The following DCAF8L2 variants were observed in gnomAD, a reference collection of about 807,000 sequenced individuals.
DCAF8L2 encodes DDB1 and CUL4 associated factor 8 like 2, also known as DDB1- and CUL4-associated factor 8-like protein 2.
For missense variants in DCAF8L2, 430 were observed against 490.7 expected, an observed-to-expected ratio of 0.88 and a Z score of 1.17; for synonymous variants, 200 against 190.9, an observed-to-expected ratio of 1.05 and a Z score of -0.39.
intron 3 of DCAF8L2, among the ~76,000 whole-genome samples, chrX:27,688,009 TG>T: frequency 8.9e-6 from 1 of 111,861 alleles, no homozygotes; most frequent in Middle Eastern, 4.7e-3. Context: ...TTGTATTAAA[TG>T]GCTAAATAAA....
the DCAF8L2 span, among the ~76,000 whole-genome samples, chrX:27,543,045 C>T: frequency 8.9e-6 from 1 of 112,216 alleles, no homozygotes; most frequent in Non-Finnish European, 1.9e-5. Context: ...AGGACTTAGT[C>T]ATAAATTCTT....
chrX:27,522,237 G>A, the DCAF8L2 span, among the ~76,000 whole-genome samples: 1 of 111,689 alleles, frequency 9.0e-6, no homozygotes, highest in Non-Finnish European at 1.9e-5. Context: ...ATGTTGGTCA[G>A]GCTGCTCTCA....
At chrX:27,614,643 A>G (rs186446930) in intron 1 of DCAF8L2, among the ~76,000 whole-genome samples, 8,498 of 110,343 alleles carry the variant, frequency 0.077, 660 homozygotes, top group African/African-American at 0.24. Context: ...AGAGATTCTG[A>G]TATGTTGTGT....
the DCAF8L2 span, chrX:27,519,016 C>G: frequency 1.1e-6 from 1 of 877,563 alleles, no homozygotes; most frequent in Non-Finnish European, 1.7e-6. Context: ...TATGGGAAAC[C>G]ATGAACTATA....
chrX:27,614,209 A>G (rs1927341099), intron 1 of DCAF8L2, among the ~76,000 whole-genome samples: 2 of 108,983 alleles, frequency 1.8e-5, no homozygotes, highest in Admixed American at 2.0e-4. Context: ...GAATTTATCC[A>G]TTTCTTCTAG....
the DCAF8L2 span, chrX:27,519,773 G>A: frequency 1.9e-6 from 1 of 530,332 alleles, no homozygotes; most frequent in East Asian, 3.4e-5. Flanking sequence ...ACCAATTTGA[G>A]GCTTTTAATC....
At chrX:27,595,298 T>C (rs748339443) in intron 1 of DCAF8L2, among the ~76,000 whole-genome samples, 1 of 111,903 alleles carries the variant, frequency 8.9e-6, no homozygotes, top group South Asian at 3.8e-4. Flanking sequence ...GGAAGTCTAA[T>C]AGACACTTTA....
chrX:27,508,404 A>G, the DCAF8L2 span, among the ~76,000 whole-genome samples: 2 of 110,962 alleles, frequency 1.8e-5, no homozygotes, highest in Non-Finnish European at 3.8e-5. Context: ...ACTCTGATCA[A>G]CCAGAGAGAG....
the DCAF8L2 span, among the ~76,000 whole-genome samples, chrX:27,534,254 C>A: frequency 1.0e-4 from 11 of 110,168 alleles, no homozygotes; most frequent in African/African-American, 3.6e-4. Context: ...AATATCTCGA[C>A]TTTGATAATT....
chrX:27,528,474 G>GTA, the DCAF8L2 span, among the ~76,000 whole-genome samples: 11 of 34,965 alleles, frequency 3.1e-4, no homozygotes, highest in Middle Eastern at 0.018. Context: ...TTATGTGTAT[G>GTA]TGTATATATA....
At chrX:27,480,658 A>T in the DCAF8L2 span, among the ~76,000 whole-genome samples, 2 of 111,449 alleles carry the variant, frequency 1.8e-5, no homozygotes, top group African/African-American at 6.5e-5. Context: ...ACTTCCCTAG[A>T]CTTTATTCTA....
At chrX:27,581,675 C>T in the DCAF8L2 span, among the ~76,000 whole-genome samples, 1 of 109,172 alleles carries the variant, frequency 9.2e-6, no homozygotes, top group Non-Finnish European at 1.9e-5. Context: ...CCCCCACCTC[C>T]CGGGTTCAAG....
intron 3 of DCAF8L2, 77 bp from the exon 4 acceptor site, chrX:27,716,011 A>G (rs1569190817): frequency 8.9e-6 from 1 of 112,463 alleles, no homozygotes; most frequent in Non-Finnish European, 1.9e-5. Flanking sequence ...CTAAAATCCA[A>G]TGACTTGGTT....
intron 1 of DCAF8L2, among the ~76,000 whole-genome samples, chrX:27,602,989 A>G (rs1257732199): frequency 8.9e-6 from 1 of 112,206 alleles, no homozygotes; most frequent in Non-Finnish European, 1.9e-5. Context: ...TAAAACAGCT[A>G]TATTTTTGAA....
chrX:27,469,890 T>C, the DCAF8L2 span, among the ~76,000 whole-genome samples: 1 of 110,439 alleles, frequency 9.1e-6, no homozygotes, highest in Non-Finnish European at 1.9e-5. Context: ...TGCCTCAGTC[T>C]CCCAAGTAGT....
the DCAF8L2 span, among the ~76,000 whole-genome samples, chrX:27,497,545 C>CTTTCTTTCT: frequency 7.0e-4 from 54 of 76,990 alleles, 1 homozygote; most frequent in African/African-American, 3.6e-3. Flanking sequence ...TCCTTCCTTC[C>CTTTCTTTCT]TTCCTTCTTT....
At chrX:27,668,936 C>CAA (rs1188410615) in intron 2 of DCAF8L2, among the ~76,000 whole-genome samples, 2 of 79,962 alleles carry the variant, frequency 2.5e-5, no homozygotes, top group African/African-American at 9.0e-5. Context: ...GACTCTGTCT[C>CAA]AAAAAAAAAA....
chrX:27,510,976 A>G, the DCAF8L2 span, among the ~76,000 whole-genome samples: 8 of 111,124 alleles, frequency 7.2e-5, no homozygotes, highest in Non-Finnish European at 1.3e-4. Context: ...GATTTTCCTT[A>G]GTATCATCAC....
At chrX:27,583,466 T>C in the DCAF8L2 span, among the ~76,000 whole-genome samples, 1 of 111,076 alleles carries the variant, frequency 9.0e-6, no homozygotes, top group Non-Finnish European at 1.9e-5. Flanking sequence ...TTCTTTACCC[T>C]CTTTTTGGGC....
Sources: gnomAD v4.1 joint callset for allele counts (sites outside exome capture counted in the v4.1 genomes callset) on GRCh38, gnomAD v4.1.1 for gene constraint, MANE v1.5 for transcripts, NCBI Gene and HGNC (gene_info 2026-07-23, HGNC 2026-07-21) for gene names.